The following SDSL variants were observed in gnomAD, a reference collection of about 807,000 sequenced individuals.
SDSL encodes serine dehydratase-like.
In SDSL, 26 loss-of-function variants were observed where a neutral mutation model predicts 27.6. That is an observed-to-expected ratio of 0.94 (90% confidence interval 0.69 to 1.31). The LOEUF is 1.31. SDSL is among the 50% of genes most tolerant of loss of function. SDSL has a pLI of 0.00. For missense variants in SDSL, 431 were observed against 423.5 expected, an observed-to-expected ratio of 1.02 and a Z score of -0.16; for synonymous variants, 196 against 180.6, an observed-to-expected ratio of 1.09 and a Z score of -0.69.
chr12:113,427,064 G>T (rs1253909224), intron 1 of SDSL: 1 of 152,256 alleles, frequency 6.6e-6, no homozygotes, highest in African/African-American at 2.4e-5. Context: ...ACCGATAGGG[G>T]AGCGAGTTAG....
At chr12:113,436,723 C>T (rs1274111791) in intron 6 of SDSL, 28 bp from the exon 7 acceptor site, 2 of 1,557,046 alleles carry the variant, frequency 1.3e-6, no homozygotes, top group Admixed American at 1.9e-5. Context: ...CCCCTGGTCT[C>T]CCTGCCCCAC....
At chr12:113,425,619 T>A (rs1957838319) in intron 1 of SDSL, 1 of 453,492 alleles carries the variant, frequency 2.2e-6, no homozygotes, top group Non-Finnish European at 4.4e-6. Flanking sequence ...TTCTCTACTA[T>A]TTTTCCTCCC....
At chr12:113,424,193 T>A (rs1371760375) in intron 1 of SDSL, among the ~76,000 whole-genome samples, 1 of 152,094 alleles carries the variant, frequency 6.6e-6, no homozygotes, top group Non-Finnish European at 1.5e-5. Flanking sequence ...CGGCTAATTT[T>A]GTATTTTTAG....
At chr12:113,435,259 C>T in intron 5 of SDSL, 70 bp from the exon 6 acceptor site, 4 of 1,105,540 alleles carry the variant, frequency 3.6e-6, no homozygotes, top group South Asian at 3.4e-5. Context: ...GGTAAATTCC[C>T]CCACCACAGG....
chr12:113,436,210 A>T (rs1957990732), intron 6 of SDSL, among the ~76,000 whole-genome samples: 1 of 152,000 alleles, frequency 6.6e-6, no homozygotes, highest in Admixed American at 6.6e-5. Context: ...ATCCAGTATG[A>T]TTTCACCTTA....
Position 113,429,206 on chromosome 12 carries a change from C to T in SDSL, c.261C>T (p.Gly87=). The T allele has an allele frequency of 1.2e-6, 2 of 1,613,892 alleles. No homozygotes were observed. Among genetic ancestry groups the T allele is most frequent in the Non-Finnish European group, 1.7e-6 (2 of 1,179,884 alleles). Residue 87 remains glycine, a synonymous_variant, in exon 4 of 8, where the codon GGC becomes GGT. Transcript: ENST00000403593. ...CTGCCTATGCTGCTAGGAAGCTGGG[C>T]ATTCCTGCCACCATCGTGCTCCCCG... The part of the protein sequence containing the change: ...IAAAYAARKL[G]IPATIVLPES...
chr12:113,436,929 C>G, intron 7 of SDSL, 54 bp downstream of exon 7: 1 of 1,478,500 alleles, frequency 6.8e-7, no homozygotes, highest in African/African-American at 1.4e-5. Context: ...GTCCCTGCAT[C>G]CTCTAGCAAG....
chr12:113,428,532 C>G, intron 3 of SDSL, 73 bp downstream of exon 3: 1 of 1,401,820 alleles, frequency 7.1e-7, no homozygotes, highest in Admixed American at 2.0e-5. Flanking sequence ...CAGTACACAT[C>G]CAGGGTTGGT....
chr12:113,432,237 T>TTTCTTTCA (rs1957933703), intron 4 of SDSL, among the ~76,000 whole-genome samples: 1 of 120,774 alleles, frequency 8.3e-6, no homozygotes, highest in African/African-American at 3.2e-5. Flanking sequence ...TCTTTCTTTC[T>TTTCTTTCA]TTCTTTCTTT....
At chr12:113,432,266 TTCTTTCTTTCTTTCTTTCTTTCTTTC>T (rs1353631432) in intron 4 of SDSL, among the ~76,000 whole-genome samples, 11 of 126,874 alleles carry the variant, frequency 8.7e-5, no homozygotes, top group Non-Finnish European at 1.2e-4. Context: ...CTTTCTTTCT[TTCTTTCTTTCTTTCTTTCTTTCTTTC>T]TCTCTCTCTC....
intron 1 of SDSL, among the ~76,000 whole-genome samples, chr12:113,426,863 T>C (rs552866969): frequency 6.0e-4 from 91 of 152,246 alleles, no homozygotes; most frequent in African/African-American, 2.0e-3. Flanking sequence ...TGCTTGAGCC[T>C]GAGAGGTCGA....
At chr12:113,426,819 G>A (rs1396265982) in intron 1 of SDSL, among the ~76,000 whole-genome samples, 1 of 152,038 alleles carries the variant, frequency 6.6e-6, no homozygotes, top group Non-Finnish European at 1.5e-5. Context: ...TGTGCCTGTA[G>A]TCCCAGCTAC....
At chr12:113,426,001 A>G (rs1957845191) in intron 1 of SDSL, 1 of 376,438 alleles carries the variant, frequency 2.7e-6, no homozygotes. Context: ...CACCACGACC[A>G]CCACCAACAC....
intron 3 of SDSL, 137 bp downstream of exon 3, chr12:113,428,596 A>C: frequency 1.5e-6 from 1 of 689,108 alleles, no homozygotes; most frequent in Non-Finnish European, 2.4e-6. Context: ...ACTACTGTGT[A>C]CATCCCATCC....
At chr12:113,428,691 A>G (rs1190920975) in intron 3 of SDSL, among the ~76,000 whole-genome samples, 1 of 152,088 alleles carries the variant, frequency 6.6e-6, no homozygotes, top group Admixed American at 6.6e-5. Flanking sequence ...AGGCTCTAAG[A>G]ATGGAAAATT....
At chr12:113,422,919 A>C (rs1957808486) in intron 1 of SDSL, 1 of 152,348 alleles carries the variant, frequency 6.6e-6, no homozygotes. Flanking sequence ...GACTTGGCCA[A>C]GGTTGGCATG....
In SDSL at chr12:113,434,211, C is replaced by A; in HGVS notation, c.432C>A (p.His144Gln). ...GGGAGAATGTCCCCCCGTTTGACCA[C>A]CCCCTAATATGGTAAGGCTGACGCC... Reference protein sequence around the residue: ...DGWENVPPFDHPLIWKGHASL... With the variant: ...DGWENVPPFDQPLIWKGHASL... Residue 144 changes from histidine to glutamine, a missense_variant, in exon 5 of 8, where the codon CAC becomes CAA. Transcript: ENST00000403593. The A allele has an allele frequency of 1.9e-6, 3 of 1,612,500 alleles. No homozygotes were observed. The highest frequency in any genetic ancestry group is 2.5e-6 in the Non-Finnish European group (3 of 1,178,990).
intron 1 of SDSL, among the ~76,000 whole-genome samples, chr12:113,423,865 A>G (rs1415298695): frequency 6.6e-6 from 1 of 152,196 alleles, no homozygotes; most frequent in Non-Finnish European, 1.5e-5. Context: ...GAGAGACCCA[A>G]TTCCAAGTGG....
intron 5 of SDSL, among the ~76,000 whole-genome samples, 155 bp from the exon 6 acceptor site, chr12:113,435,172 CCT>C (rs1957972231): frequency 1.3e-5 from 2 of 152,160 alleles, no homozygotes; most frequent in South Asian, 4.2e-4. Flanking sequence ...TGCAGGACTT[CCT>C]CTCCCCTCAC....
Sources: allele counts gnomAD v4.1 joint callset (sites outside exome capture counted in the v4.1 genomes callset), GRCh38; gene constraint gnomAD v4.1.1; transcripts MANE v1.5; gene names NCBI Gene and HGNC (gene_info 2026-07-23, HGNC 2026-07-21).